Variants in LYZL6 observed in about 807,000 individuals in gnomAD.
LYZL6 encodes lysozyme like 6, also known as lysozyme-like protein 6.
A neutral mutation model predicts 15.0 loss-of-function variants in LYZL6; 21 were observed. The ratio of observed to expected loss-of-function variants is 1.40; its 90% CI spans 1.00 to 2.02. The LOEUF (loss-of-function observed/expected upper bound fraction) is 2.02. Among genes scored for constraint, LYZL6 ranks in the 30% most tolerant of loss-of-function variants. LYZL6 has a pLI of 0.00. For missense variants in LYZL6, 173 were observed against 180.5 expected (o/e 0.96, Z 0.24); for synonymous variants, 72 against 67.8 (o/e 1.06, Z -0.31).
chr17:35,936,383 A>G (rs1347659390), intron 4 of LYZL6, among the ~76,000 whole-genome samples: 2 of 152,172 alleles, frequency 1.3e-5, no homozygotes, highest in Non-Finnish European at 2.9e-5. Flanking sequence ...CTGCGGAGAG[A>G]GAAGTGAAGC....
At chr17:35,937,234 G>A (rs1036078293) in intron 3 of LYZL6, among the ~76,000 whole-genome samples, 2 of 152,218 alleles carry the variant, frequency 1.3e-5, no homozygotes, top group African/African-American at 4.8e-5. Context: ...GTGAGGGGCA[G>A]AGTCATGGGC....
chr17:35,937,981 G>A (rs2089391470), intron 2 of LYZL6, 65 bp from the exon 3 acceptor site: 4 of 1,512,322 alleles, frequency 2.6e-6, no homozygotes, highest in East Asian at 2.3e-5. Flanking sequence ...GGGAGATGGA[G>A]GAGAAAGGGA....
At chr17:35,937,175 G>A (rs879707407) in intron 3 of LYZL6, among the ~76,000 whole-genome samples, 1 of 152,234 alleles carries the variant, frequency 6.6e-6, no homozygotes, top group Non-Finnish European at 1.5e-5. Flanking sequence ...GTGAGCGGGG[G>A]TCTTCAGGCG....
chr17:35,936,705 G>A (rs773779205), intron 4 of LYZL6, 50 bp downstream of exon 4: 6 of 1,532,282 alleles, frequency 3.9e-6, no homozygotes, highest in East Asian at 2.2e-5. Flanking sequence ...TCTCTGTCAC[G>A]TCCTCCTTCG....
chr17:35,939,482 C>T lies in LYZL6; in HGVS notation c.-126G>A. The T allele has an allele frequency of 1.3e-6, 1 of 776,592 alleles. No homozygotes were observed. Among genetic ancestry groups the T allele is most frequent in the Non-Finnish European group, 2.1e-6 (1 of 482,724 alleles). The allele number at this position is 776,592 out of a possible 1,614,324, so 48.1% of individuals were successfully genotyped here. ...GCCAGGTTTCCTTACTCACTCACTG[C>T]TCCAACCTGGCTGTTTCCAATCTCT... On this transcript the variant is annotated 5_prime_UTR_variant, in exon 2 of 5. Coordinates refer to ENST00000615905, the MANE Select transcript of LYZL6 (RefSeq NM_020426.4).
chr17:35,935,874 C>T (rs2089367788), intron 4 of LYZL6, among the ~76,000 whole-genome samples: 1 of 150,634 alleles, frequency 6.6e-6, no homozygotes, highest in African/African-American at 2.4e-5. Context: ...AGTGCAGTGG[C>T]GCGATCTCGG....
At position 35,939,286 on chromosome 17, in the gene LYZL6, C is replaced by T. The variant is rs766673424; in HGVS notation, c.71G>A (p.Arg24His). Residue 24 changes from arginine to histidine, a missense_variant, in exon 2 of 5, where the codon CGC (arginine) becomes CAC (histidine). Coordinates refer to ENST00000615905, the MANE Select transcript of LYZL6 (RefSeq NM_020426.4). Reference sequence around the variant, plus strand: ...CTGCAGCACCTGGGCCAAGTCACAGCGACTGATGAGGCTGGCCTGATTTAG... The same window carrying T: ...CTGCAGCACCTGGGCCAAGTCACAGTGACTGATGAGGCTGGCCTGATTTAG... The part of the protein sequence containing the change: ...LALNQASLIS[R>H]CDLAQVLQLE... 22 of 1,614,004 alleles carry T rather than the reference C, an allele frequency of 1.4e-5. No homozygotes were observed. Among genetic ancestry groups the T allele is most frequent in the African/African-American group, 2.7e-5 (2 of 74,908 alleles).
chr17:35,940,905 T>G (rs1374264835), intron 1 of LYZL6, among the ~76,000 whole-genome samples: 1 of 152,258 alleles, frequency 6.6e-6, no homozygotes, highest in Non-Finnish European at 1.5e-5. Flanking sequence ...ACTTCGTCTA[T>G]CCATTCATTA....
At chr17:35,936,714 C>G (rs753918678) in intron 4 of LYZL6, 41 bp downstream of exon 4, 6 of 1,569,114 alleles carry the variant, frequency 3.8e-6, no homozygotes, top group Non-Finnish European at 4.4e-6. Flanking sequence ...CGTCCTCCTT[C>G]GTGGGGCTCT....
At position 35,934,553 on chromosome 17, in the gene LYZL6, T is replaced by C. The variant is rs2089352503; in HGVS notation, c.*243A>G. 3.8e-6 allele frequency: 2 copies of C among 521,836 alleles called. No individual in the cohort carries two copies. Among genetic ancestry groups the C allele is most frequent in the Non-Finnish European group, 6.8e-6 (2 of 294,374 alleles). The allele number at this position is 521,836 out of a possible 1,614,324, so 32.3% of individuals were successfully genotyped here. A position where few individuals can be genotyped will look rare whatever the true frequency, so the allele number is the denominator to read the frequency against. On this transcript the variant is annotated 3_prime_UTR_variant, in exon 5 of 5. Coordinates refer to ENST00000615905, the MANE Select transcript of LYZL6 (RefSeq NM_020426.4). Reference sequence around the variant, plus strand: ...GAGTGCTTTAATATTTCGATAAATATAAAGATTTCTTTATTGTGGTCCTCA... The same window carrying C: ...GAGTGCTTTAATATTTCGATAAATACAAAGATTTCTTTATTGTGGTCCTCA...
At chr17:35,937,635 G>T in intron 3 of LYZL6, 123 bp downstream of exon 3, 1 of 1,072,510 alleles carries the variant, frequency 9.3e-7, no homozygotes, top group Non-Finnish European at 1.3e-6. Context: ...TCAGTAAAGG[G>T]ATTCCCTGAT....
chr17:35,936,772 T>C lies in LYZL6; in HGVS notation c.360A>G (p.Ala120=), dbSNP rs1315826490. The change falls in exon 4 of 5, where the codon GCA becomes GCG. Residue 120 remains alanine (A), a synonymous_variant. Coordinates refer to ENST00000615905, the MANE Select transcript of LYZL6 (RefSeq NM_020426.4). ...IHCAKRIVSG[A]RGMNNWVEWR... ...CTCCTCACCAGTTGTTCATCCCCCG[T>C]GCTCCGGACACAATCCTTTTTGCGC... 6.2e-7 allele frequency: 1 copy of C among 1,613,762 alleles called. No homozygotes were observed. The highest frequency in any genetic ancestry group is 1.3e-5 in the African/African-American group (1 of 75,046).
At chr17:35,936,306 T>A (rs887409666) in intron 4 of LYZL6, among the ~76,000 whole-genome samples, 1 of 152,216 alleles carries the variant, frequency 6.6e-6, no homozygotes. Flanking sequence ...TCCCTATGGT[T>A]GCTTAGGACT....
chr17:35,937,271 G>A (rs1335959572), intron 3 of LYZL6, among the ~76,000 whole-genome samples: 1 of 152,172 alleles, frequency 6.6e-6, no homozygotes, highest in Non-Finnish European at 1.5e-5. Context: ...GATCAGCTCT[G>A]AGGTAGGGAG....
intron 4 of LYZL6, among the ~76,000 whole-genome samples, chr17:35,935,915 G>A (rs1216596881): frequency 1.3e-5 from 2 of 151,816 alleles, no homozygotes; most frequent in South Asian, 2.1e-4. Context: ...CCAGGTTCAA[G>A]CGATTCTTCT....
chr17:35,942,998 A>G (rs1180166847), intron 1 of LYZL6, among the ~76,000 whole-genome samples: 1 of 152,124 alleles, frequency 6.6e-6, no homozygotes, highest in Non-Finnish European at 1.5e-5. Flanking sequence ...CCTGGTCCCA[A>G]CTGAACCATC....
intron 1 of LYZL6, among the ~76,000 whole-genome samples, chr17:35,941,288 A>G (rs2089422828): frequency 1.3e-5 from 2 of 152,180 alleles, no homozygotes; most frequent in African/African-American, 4.8e-5. Context: ...TGGCCACTGT[A>G]TATCTTTGGG....
Position 35,937,923 on chromosome 17 carries a change from G to A in LYZL6, c.140-7C>T, listed in dbSNP as rs775294799. On this transcript the variant is annotated splice_region_variant and splice_polypyrimidine_tract_variant and intron_variant, in intron 2 of 4. Coordinates refer to ENST00000615905, the MANE Select transcript of LYZL6 (RefSeq NM_020426.4). ...ACAAAAGCCAGGCACAGCCCTTAGA[G>A]TAGGGAGAAGAAGGTCAGGATTTAG... The A allele has an allele frequency of 1.9e-6, 3 of 1,612,576 alleles. No individual in the cohort carries two copies. The highest frequency in any genetic ancestry group is 2.5e-6 in the Non-Finnish European group (3 of 1,179,792).
chr17:35,935,647 C>T (rs2089365109), intron 4 of LYZL6, among the ~76,000 whole-genome samples: 1 of 151,980 alleles, frequency 6.6e-6, no homozygotes, highest in South Asian at 2.1e-4. Context: ...AAAAAGCAGC[C>T]TGGGACAGGC....
Sources: allele counts gnomAD v4.1 joint callset (sites outside exome capture counted in the v4.1 genomes callset), GRCh38; gene constraint gnomAD v4.1.1; transcripts MANE v1.5; gene names NCBI Gene and HGNC (gene_info 2026-07-23, HGNC 2026-07-21).